ATP5MJ: variants seen among roughly 807,000 people sequenced by gnomAD.
The protein encoded by ATP5MJ is ATP synthase F(0) complex subunit j, mitochondrial.
ATP5MJ carries 4 observed loss-of-function variants against 8.3 expected under a neutral mutation model. That is an observed-to-expected ratio of 0.48 (90% CI 0.24 to 1.11). The LOEUF (loss-of-function observed/expected upper bound fraction) is 1.11. Among genes scored for constraint, ATP5MJ ranks in the 50% least tolerant of loss-of-function variants. The probability of loss-of-function intolerance (pLI) is 0.18; values close to 1 mark genes in which losing one functional copy is unlikely to be tolerated. For missense variants in ATP5MJ, 66 were observed against 71.8 expected (o/e 0.92, Z 0.29); for synonymous variants, 23 against 21.3 (o/e 1.08, Z -0.23).
At chr14:103,920,153 C>A (rs1277513187) in intron 1 of ATP5MJ, among the ~76,000 whole-genome samples, 1 of 117,724 alleles carries the variant, frequency 8.5e-6, no homozygotes, top group African/African-American at 3.3e-5. Flanking sequence ...TTGAGACAGT[C>A]TCGCTTTGTC....
chr14:103,917,108 T>C (rs1028796096), intron 1 of ATP5MJ, among the ~76,000 whole-genome samples: 4 of 152,066 alleles, frequency 2.6e-5, no homozygotes, highest in Non-Finnish European at 5.9e-5. Flanking sequence ...ATCCTCGGCA[T>C]TGGCAGAGAC....
chr14:103,918,427 C>T (rs970210792), intron 1 of ATP5MJ, among the ~76,000 whole-genome samples: 3 of 151,806 alleles, frequency 2.0e-5, no homozygotes, highest in African/African-American at 7.3e-5. Context: ...AGTGGCGGAT[C>T]TCGGCTCATT....
chr14:103,920,989 A>T (rs1049709591), intron 1 of ATP5MJ: 30 of 1,551,584 alleles, frequency 1.9e-5, no homozygotes, highest in Non-Finnish European at 2.6e-5. Flanking sequence ...ATACAATTTC[A>T]TTCAGCACCG....
intron 1 of ATP5MJ, among the ~76,000 whole-genome samples, chr14:103,917,828 G>A (rs1015780296): frequency 6.6e-6 from 1 of 152,200 alleles, no homozygotes; most frequent in African/African-American, 2.4e-5. Flanking sequence ...CTTGGAGAAA[G>A]CTCCTATAAA....
intron 1 of ATP5MJ, among the ~76,000 whole-genome samples, chr14:103,915,648 A>ATTTTTT (rs542646013): frequency 7.5e-6 from 1 of 132,886 alleles, no homozygotes. Flanking sequence ...GTGCCTGGCC[A>ATTTTTT]TTTTTTTTTT....
At chr14:103,917,693 A>G (rs1445393509) in intron 1 of ATP5MJ, among the ~76,000 whole-genome samples, 1 of 152,198 alleles carries the variant, frequency 6.6e-6, no homozygotes, top group Non-Finnish European at 1.5e-5. Context: ...TGGGGAGGCC[A>G]GGCCGGAGCT....
intron 1 of ATP5MJ, 178 bp downstream of exon 1, chr14:103,921,292 C>T (rs912563782): frequency 2.6e-6 from 1 of 390,044 alleles, no homozygotes; most frequent in Non-Finnish European, 4.7e-6. Context: ...GGCGATGCTT[C>T]CCTCTGGCAA....
intron 1 of ATP5MJ, among the ~76,000 whole-genome samples, chr14:103,920,132 T>TC (rs1041619773): frequency 8.1e-6 from 1 of 122,762 alleles, no homozygotes; most frequent in Non-Finnish European, 1.7e-5. Context: ...GCCCCTACTT[T>TC]TTTTTTTTTT....
At chr14:103,914,563 A>G (rs1387249484) in intron 2 of ATP5MJ, 1 of 689,114 alleles carries the variant, frequency 1.5e-6, no homozygotes, top group Non-Finnish European at 2.7e-6. Flanking sequence ...CACTTTGGGA[A>G]GCCAAGATTG....
intron 1 of ATP5MJ, chr14:103,918,100 G>C (rs2087640125): frequency 6.6e-6 from 1 of 152,332 alleles, no homozygotes; most frequent in Non-Finnish European, 1.5e-5. Context: ...CTCTGACAGT[G>C]TGAGGTTCCA....
intron 1 of ATP5MJ, among the ~76,000 whole-genome samples, chr14:103,916,633 G>A (rs948070159): frequency 6.6e-6 from 1 of 152,186 alleles, no homozygotes; most frequent in Non-Finnish European, 1.5e-5. Context: ...GTTAGTCACA[G>A]CTATTGGAAG....
chr14:103,916,674 T>G (rs2087628375), intron 1 of ATP5MJ, among the ~76,000 whole-genome samples: 1 of 152,068 alleles, frequency 6.6e-6, no homozygotes, highest in Admixed American at 6.6e-5. Context: ...TGAGCTTGGG[T>G]GGTTGAAGAT....
rs1031197846 is a variant in ATP5MJ at position 103,921,455 on chromosome 14, G to C, written c.-1+15C>G. 2.7e-5 allele frequency: 6 copies of C among 222,932 alleles called. No homozygotes were observed. The highest frequency in any genetic ancestry group is 6.7e-5 in the African/African-American group (3 of 44,482). 13.8% of individuals were successfully genotyped at this position (222,932 alleles called of 1,614,324 possible). A position where few individuals can be genotyped will look rare whatever the true frequency, so the allele number is the denominator to read the frequency against. On this transcript the variant is annotated intron_variant, in intron 1 of 3. Transcript: ENST00000286953. Reference sequence around the variant, plus strand: ...TCTCGCACCTCGGGAGCCAGGTCCAGGTCCCCGTACTCACCTTGGCGCAGG... The same window carrying C: ...TCTCGCACCTCGGGAGCCAGGTCCACGTCCCCGTACTCACCTTGGCGCAGG...
At chr14:103,917,586 G>A (rs1273590559) in intron 1 of ATP5MJ, among the ~76,000 whole-genome samples, 1 of 152,006 alleles carries the variant, frequency 6.6e-6, no homozygotes, top group Non-Finnish European at 1.5e-5. Flanking sequence ...GAGCCCCTTC[G>A]ATTCCTCCCC....
chr14:103,917,275 T>C (rs541894331), intron 1 of ATP5MJ, among the ~76,000 whole-genome samples: 1 of 152,236 alleles, frequency 6.6e-6, no homozygotes, highest in South Asian at 2.1e-4. Flanking sequence ...GGGGTTGTTA[T>C]GGAGAATAAC....
intron 1 of ATP5MJ, chr14:103,921,130 T>A: frequency 8.5e-7 from 1 of 1,175,574 alleles, no homozygotes; most frequent in Non-Finnish European, 1.2e-6. Context: ...TCAGAGTTCT[T>A]GGCTTGGACT....
chr14:103,914,837 C>CAAAAAGGAAAAAAAAAA lies in ATP5MJ; in HGVS notation c.124+228_124+229insTTTTTTTTTTCCTTTTT, dbSNP rs370479683. The CAAAAAGGAAAAAAAAAA allele has an allele frequency of 2.8e-4, 53 of 191,064 alleles. 2 individuals are homozygous for CAAAAAGGAAAAAAAAAA. The Admixed American group carries it at 6.6e-3, about 24-fold the overall frequency. 11.8% of individuals were successfully genotyped at this position (191,064 alleles called of 1,614,324 possible). A position where few individuals can be genotyped will look rare whatever the true frequency, so the allele number is the denominator to read the frequency against. Reference sequence around the variant, plus strand: ...GGGCGTCAGAGTGAGAGACTGTCTCCAAAAAAAAAAAAAAAAAAAAGAAAA... The same window carrying CAAAAAGGAAAAAAAAAA: ...GGGCGTCAGAGTGAGAGACTGTCTCCAAAAAGGAAAAAAAAAAAAAAAAAAAAAAAAAAAAAAGAAAA... On this transcript the variant is annotated intron_variant, in intron 2 of 3. Coordinates refer to ENST00000286953, the MANE Select transcript of ATP5MJ (RefSeq NM_004894.3).
In ATP5MJ at chr14:103,915,162, A is replaced by C; in HGVS notation, c.28T>G (p.Trp10Gly). 1.2e-6 allele frequency: 2 copies of C among 1,613,696 alleles called. No homozygotes were observed. The highest frequency in any genetic ancestry group is 1.7e-6 in the Non-Finnish European group (2 of 1,179,654). MLQSIIKNI[W>G]IPMKPYYTKV... ...GTGTAGTAGGGCTTCATGGGGATCC[A>C]TATGTTTTTAATAATACTTTGAAGC... The change falls in exon 2 of 4, where the codon TGG becomes GGG. Residue 10 changes from tryptophan to glycine, a missense_variant. By Grantham distance (184) the Trp-to-Gly change is radical. Coordinates refer to ENST00000286953, the MANE Select transcript of ATP5MJ (RefSeq NM_004894.3).
At position 103,912,665 on chromosome 14, in the gene ATP5MJ, G is replaced by T. The variant is rs547865881; in HGVS notation, c.*1C>A. 18 of 1,613,890 alleles carry T rather than the reference G, an allele frequency of 1.1e-5. No individual in the cohort carries two copies. Among genetic ancestry groups the T allele is most frequent in the Non-Finnish European group, 1.5e-5 (18 of 1,179,912 alleles). Reference sequence around the variant, plus strand: ...TTCACATGTACTCCAAGTAAATCTGGTTAGTGATGACCAGGAGCAGGCGCT... The same window carrying T: ...TTCACATGTACTCCAAGTAAATCTGTTTAGTGATGACCAGGAGCAGGCGCT... On this transcript the variant is annotated 3_prime_UTR_variant, in exon 4 of 4. Coordinates refer to ENST00000286953, the MANE Select transcript of ATP5MJ (RefSeq NM_004894.3).
Sources: allele counts gnomAD v4.1 joint callset (sites outside exome capture counted in the v4.1 genomes callset), GRCh38; gene constraint gnomAD v4.1.1; transcripts MANE v1.5; gene names NCBI Gene and HGNC (gene_info 2026-07-23, HGNC 2026-07-21).